SELENOT: variants seen among roughly 807,000 people sequenced by gnomAD.
SELENOT encodes thioredoxin reductase-like selenoprotein T.
Under a neutral mutation model 24.3 loss-of-function variants are expected in SELENOT, and 9 were observed. The ratio of observed to expected loss-of-function variants is 0.37; its 90% CI spans 0.22 to 0.65. The LOEUF (loss-of-function observed/expected upper bound fraction) is 0.65. Ranked by LOEUF, SELENOT falls within the 30% of genes least tolerant of loss-of-function variation. The probability of loss-of-function intolerance (pLI) is 0.60; values close to 1 mark genes in which losing one functional copy is unlikely to be tolerated. For synonymous variants in SELENOT, 81 were observed against 86.0 expected (o/e 0.94, Z 0.32); for missense variants, 166 against 247.6 (o/e 0.67, Z 2.21).
intron 4 of SELENOT, 97 bp downstream of exon 4, chr3:150,624,996 G>T: frequency 1.8e-6 from 1 of 551,880 alleles, no homozygotes; most frequent in Non-Finnish European, 2.9e-6. Flanking sequence ...CTTCTTTAGT[G>T]TTTGTATAAA....
rs35489270 is a variant in SELENOT at position 150,621,614 on chromosome 3, CTTT to C, written c.138-751_138-749del. Among the ~76,000 whole-genome samples, 747 of 80,558 alleles carry C rather than the reference CTTT, an allele frequency of 9.3e-3. 5 individuals carry two copies. Among genetic ancestry groups the C allele is most frequent in the African/African-American group, 0.031 (662 of 21,130 alleles). The allele number at this position is 80,558 out of a possible 152,430, so 52.8% of individuals were successfully genotyped here. The stretch of plus-strand genomic sequence containing the variant: ...CATATGCACTCTGGTGGCATATTTC[CTTT>C]TTTTTTTTTTTTTTTTTTTGCTGGG... On this transcript the variant is annotated intron_variant, in intron 1 of 5. Coordinates refer to ENST00000471696, the MANE Select transcript of SELENOT (RefSeq NM_016275.5).
intron 2 of SELENOT, 147 bp downstream of exon 2, chr3:150,622,642 T>C: frequency 2.3e-6 from 1 of 425,592 alleles, no homozygotes; most frequent in Non-Finnish European, 4.2e-6. Flanking sequence ...ATATAACAAG[T>C]TTATTTGACC....
chr3:150,626,335 G>A (rs1726445036), intron 4 of SELENOT, among the ~76,000 whole-genome samples: 1 of 152,136 alleles, frequency 6.6e-6, no homozygotes, highest in Admixed American at 6.5e-5. Context: ...TGGTCCTATG[G>A]ACCATATCCT....
intron 1 of SELENOT, chr3:150,611,404 A>G (rs1726089090): frequency 1.6e-6 from 2 of 1,238,764 alleles, no homozygotes; most frequent in African/African-American, 2.9e-5. Context: ...TGCTTTATTA[A>G]GTCCTGGTCT....
rs967859660 is a variant in SELENOT at position 150,612,948 on chromosome 3, A to G, written c.138-9437A>G. Among the ~76,000 whole-genome samples the G allele has an allele frequency of 5.9e-5, 9 of 152,320 alleles. No homozygotes were observed. The East Asian group carries it at 7.7e-4, about 13-fold the overall frequency. On this transcript the variant is annotated intron_variant, in intron 1 of 5. Transcript: ENST00000471696. ...GACTAGACAGAATCCTTCCCCACAC[A>G]CAAACTCCAGCTTATCTATTTTTCA...
chr3:150,610,443 C>T (rs1460128491), intron 1 of SELENOT, among the ~76,000 whole-genome samples: 1 of 152,196 alleles, frequency 6.6e-6, no homozygotes, highest in African/African-American at 2.4e-5. Flanking sequence ...ACATTTCAAT[C>T]AGTCTATTAG....
In SELENOT at chr3:150,606,219, C is replaced by T. The variant is rs1199037335; in HGVS notation, c.137+2720C>T. On this transcript the variant is annotated intron_variant, in intron 1 of 5. Coordinates refer to ENST00000471696, the MANE Select transcript of SELENOT (RefSeq NM_016275.5). The stretch of plus-strand genomic sequence containing the variant: ...AGTTTGGAGTGCAATGGCATGATCA[C>T]GGAGCCTTGACTTCCTGAGTTCCGA... Among the ~76,000 whole-genome samples, 5 of 148,804 alleles carry T rather than the reference C, an allele frequency of 3.4e-5. No homozygotes were observed. The East Asian group carries it at 6.0e-4, about 18-fold the overall frequency.
intron 1 of SELENOT, among the ~76,000 whole-genome samples, chr3:150,614,958 G>A (rs1726178638): frequency 6.7e-6 from 1 of 149,706 alleles, no homozygotes; most frequent in Non-Finnish European, 1.5e-5. Context: ...CTGGTGTGCT[G>A]CACCCACTAA....
chr3:150,621,085 G>A (rs1227216542), intron 1 of SELENOT, among the ~76,000 whole-genome samples: 2 of 152,036 alleles, frequency 1.3e-5, no homozygotes, highest in Non-Finnish European at 2.9e-5. Flanking sequence ...GTACAACAAT[G>A]GTAATAATAA....
In SELENOT at chr3:150,622,305, A is replaced by C. The variant is rs147504503; in HGVS notation, c.138-80A>C. The C allele has an allele frequency of 4.2e-4, 243 of 579,218 alleles. 1 individual carries two copies. The highest frequency in any genetic ancestry group is 4.1e-3 in the African/African-American group (211 of 51,676). 35.9% of individuals were successfully genotyped at this position (579,218 alleles called of 1,614,324 possible). ...TTTGAGAAAAATTTGTAATCTTGAT[A>C]ATTTTTAGGCTTTAACTAACTACAA... On this transcript the variant is annotated intron_variant, in intron 1 of 5. Coordinates refer to ENST00000471696, the MANE Select transcript of SELENOT (RefSeq NM_016275.5).
chr3:150,611,492 C>T (rs1052141566), intron 1 of SELENOT: 3 of 1,158,120 alleles, frequency 2.6e-6, no homozygotes, highest in South Asian at 2.5e-5. Flanking sequence ...TCTGGGGTAT[C>T]GAAATCTTGA....
rs1184283296 is a variant in SELENOT at position 150,628,202 on chromosome 3, A to G, written c.*573A>G. The G allele has an allele frequency of 6.6e-6, 1 of 152,580 alleles. No homozygotes were observed. Among genetic ancestry groups the G allele is most frequent in the African/African-American group, 2.4e-5 (1 of 41,436 alleles). 9.5% of individuals were successfully genotyped at this position (152,580 alleles called of 1,614,324 possible). Reference sequence around the variant, plus strand: ...GGAAATCCTATATTCAGAGTACTCTATAAATTTTTGTGTATGTGTGTATGT... The same window carrying G: ...GGAAATCCTATATTCAGAGTACTCTGTAAATTTTTGTGTATGTGTGTATGT... On this transcript the variant is annotated 3_prime_UTR_variant, in exon 6 of 6. Coordinates refer to ENST00000471696, the MANE Select transcript of SELENOT (RefSeq NM_016275.5).
At chr3:150,624,527 A>G (rs1196670029) in intron 3 of SELENOT, among the ~76,000 whole-genome samples, 1 of 152,188 alleles carries the variant, frequency 6.6e-6, no homozygotes, top group Non-Finnish European at 1.5e-5. Context: ...ATGAATTCAT[A>G]TATTATAAAA....
At chr3:150,625,892 C>T (rs1376473262) in intron 4 of SELENOT, among the ~76,000 whole-genome samples, 3 of 138,886 alleles carry the variant, frequency 2.2e-5, no homozygotes, top group South Asian at 2.2e-4. Flanking sequence ...TTTTTTGAGA[C>T]GGAGTCTCGC....
rs184845892 is a variant in SELENOT, at chr3:150,605,074, A to G, written c.137+1575A>G. ...AAAAAACCTCCCTGTACAATGTACT[A>G]TGTTTCTGGAATATATCATCTTTCA... On this transcript the variant is annotated intron_variant, in intron 1 of 5. Transcript: ENST00000471696. Among the ~76,000 whole-genome samples the G allele has an allele frequency of 1.1e-3, 172 of 150,746 alleles. 1 individual carries two copies. Among genetic ancestry groups the G allele is most frequent in the African/African-American group, 4.0e-3 (163 of 41,180 alleles).
chr3:150,611,416 G>A, intron 1 of SELENOT: 1 of 1,250,596 alleles, frequency 8.0e-7, no homozygotes, highest in Non-Finnish European at 1.2e-6. Context: ...TCCTGGTCTG[G>A]TTGGTGGCTT....
intron 1 of SELENOT, among the ~76,000 whole-genome samples, chr3:150,606,849 G>A (rs150662601): frequency 1.3e-3 from 192 of 152,238 alleles, no homozygotes; most frequent in Admixed American, 4.3e-3. Flanking sequence ...CCACCTTGGC[G>A]TCCCAAAGTG....
intron 1 of SELENOT, among the ~76,000 whole-genome samples, chr3:150,604,606 AC>A (rs1313195988): frequency 6.6e-6 from 1 of 152,210 alleles, no homozygotes; most frequent in Non-Finnish European, 1.5e-5. Context: ...CTAGCTTTTT[AC>A]TTACTCACTG....
chr3:150,624,082 C>G (rs1011296073), intron 3 of SELENOT, among the ~76,000 whole-genome samples: 2 of 152,026 alleles, frequency 1.3e-5, no homozygotes, highest in Non-Finnish European at 2.9e-5. Context: ...ATATCTCTAC[C>G]CTGTAGGTTT....
Sources: gnomAD v4.1 joint callset for allele counts (sites outside exome capture counted in the v4.1 genomes callset) on GRCh38, gnomAD v4.1.1 for gene constraint, MANE v1.5 for transcripts, NCBI Gene and HGNC (gene_info 2026-07-23, HGNC 2026-07-21) for gene names.